The following AFF3 variants were observed in gnomAD, a reference collection of about 807,000 sequenced individuals.
The protein encoded by AFF3 is AF4/FMR2 family member 3.
AFF3 carries 32 observed loss-of-function variants against 129.7 expected under a neutral mutation model. The ratio of observed to expected loss-of-function variants is 0.25; its 90% confidence interval spans 0.19 to 0.33. The LOEUF (loss-of-function observed/expected upper bound fraction) is 0.33, where lower values mean the gene tolerates loss of function less well. Ranked by LOEUF, AFF3 falls within the 10% of genes least tolerant of loss-of-function variation. The pLI, the probability that AFF3 is intolerant of heterozygous loss-of-function variation, is 1.00. For missense variants in AFF3, 1,373 were observed against 1,592.0 expected (o/e 0.86, Z 2.34); for synonymous variants, 644 against 635.4 (o/e 1.01, Z -0.20).
intron 12 of AFF3, among the ~76,000 whole-genome samples, chr2:99,672,033 C>T (rs980410475): frequency 6.6e-6 from 1 of 152,094 alleles, no homozygotes; most frequent in Non-Finnish European, 1.5e-5. Flanking sequence ...TTTTATTCAT[C>T]ATTTTGGCTC....
At chr2:99,776,283 AT>A in intron 8 of AFF3, among the ~76,000 whole-genome samples, 1 of 152,358 alleles carries the variant, frequency 6.6e-6, no homozygotes, top group Middle Eastern at 3.4e-3. Context: ...GGTTTAAAAA[AT>A]CACAGAAGAG....
In AFF3 at chr2:100,104,792, T is replaced by TGCC. The variant is rs1442447145; in HGVS notation, c.-64-275_-64-274insGGC. 2.4e-5 allele frequency: 18 copies of TGCC among 740,560 alleles called. No individual in the cohort carries two copies. The African/African-American group carries it at 4.7e-4, about 20-fold the overall frequency. The allele number at this position is 740,560 out of a possible 1,614,324, so 45.9% of individuals were successfully genotyped here. ...CCTCCCTCGCGGCGGCCCGGCCCGC[T>TGCC]GCTGCAGCCGCCGCCGCCGCCGCCG... On this transcript the variant is annotated intron_variant, in intron 3 of 24. Transcript: ENST00000672756.
chr2:99,968,924 AG>A (rs1678061000), intron 7 of AFF3, among the ~76,000 whole-genome samples: 1 of 152,216 alleles, frequency 6.6e-6, no homozygotes, highest in Non-Finnish European at 1.5e-5. Flanking sequence ...GCCACTGCAA[AG>A]AAAGAGAACC....
chr2:99,847,419 C>A (rs1689817137), intron 7 of AFF3, among the ~76,000 whole-genome samples: 1 of 151,950 alleles, frequency 6.6e-6, no homozygotes, highest in Admixed American at 6.6e-5. Flanking sequence ...TTAGTTCGTG[C>A]CTGTAATCCC....
intron 8 of AFF3, among the ~76,000 whole-genome samples, chr2:99,756,892 C>T (rs1406998239): frequency 2.0e-5 from 3 of 152,188 alleles, no homozygotes; most frequent in African/African-American, 7.2e-5. Context: ...TACCTGTGAA[C>T]TCATGACCCA....
At chr2:99,875,927 C>A (rs1357946162) in intron 7 of AFF3, among the ~76,000 whole-genome samples, 1 of 152,150 alleles carries the variant, frequency 6.6e-6, no homozygotes, top group Non-Finnish European at 1.5e-5. Context: ...ATCCAACAGG[C>A]TTTTCCATCT....
intron 19 of AFF3, among the ~76,000 whole-genome samples, chr2:99,568,080 A>G (rs1211550644): frequency 6.6e-6 from 1 of 152,162 alleles, no homozygotes; most frequent in African/African-American, 2.4e-5. Context: ...GTAGCATTGG[A>G]AGAGGGGTAC....
At chr2:100,113,346 T>C (rs1691593156) in intron 2 of AFF3, among the ~76,000 whole-genome samples, 1 of 152,232 alleles carries the variant, frequency 6.6e-6, no homozygotes, top group South Asian at 2.1e-4. Context: ...ATCCTTGAAT[T>C]GAACAAATAC....
intron 9 of AFF3, among the ~76,000 whole-genome samples, chr2:99,745,710 T>C: frequency 6.6e-6 from 1 of 152,230 alleles, no homozygotes; most frequent in East Asian, 1.9e-4. Flanking sequence ...GTATGGTATC[T>C]ACTTATCTGC....
intron 4 of AFF3, among the ~76,000 whole-genome samples, chr2:100,086,735 T>C (rs916613353): frequency 6.6e-6 from 1 of 152,210 alleles, no homozygotes; most frequent in Non-Finnish European, 1.5e-5. Context: ...AGTTGTCCAA[T>C]GCCTGGCTAC....
At chr2:99,672,480 C>T in intron 12 of AFF3, 58 bp downstream of exon 12, 1 of 1,554,642 alleles carries the variant, frequency 6.4e-7, no homozygotes. Context: ...GCACAGTCCA[C>T]CAGGTAACTG....
At chr2:99,887,088 G>T (rs894347394) in intron 7 of AFF3, among the ~76,000 whole-genome samples, 2 of 152,190 alleles carry the variant, frequency 1.3e-5, no homozygotes, top group East Asian at 3.9e-4. Context: ...AAATGGTTCT[G>T]CCCTCTGTTG....
chr2:99,983,165 G>A (rs934157889), intron 7 of AFF3, among the ~76,000 whole-genome samples: 1 of 152,230 alleles, frequency 6.6e-6, no homozygotes, highest in Non-Finnish European at 1.5e-5. Flanking sequence ...AGAAGAGCCT[G>A]GTACAAGTAT....
At chr2:100,085,803 A>T (rs1689374698) in intron 4 of AFF3, among the ~76,000 whole-genome samples, 1 of 151,708 alleles carries the variant, frequency 6.6e-6, no homozygotes, top group Non-Finnish European at 1.5e-5. Flanking sequence ...CTCCACACAG[A>T]CTCCATGCTT....
At chr2:99,640,337 T>C (rs1390986782) in intron 13 of AFF3, among the ~76,000 whole-genome samples, 1 of 152,162 alleles carries the variant, frequency 6.6e-6, no homozygotes, top group African/African-American at 2.4e-5. Flanking sequence ...TGATACCTCA[T>C]GCGTGATTTT....
At chr2:99,628,715 C>T (rs1168549073) in intron 13 of AFF3, among the ~76,000 whole-genome samples, 1 of 61,442 alleles carries the variant, frequency 1.6e-5, no homozygotes, top group Non-Finnish European at 2.9e-5. Context: ...TGCCACCATG[C>T]TTGACTGATT....
intron 4 of AFF3, among the ~76,000 whole-genome samples, chr2:100,037,050 C>T (rs910292390): frequency 6.6e-6 from 1 of 152,024 alleles, no homozygotes; most frequent in Non-Finnish European, 1.5e-5. Context: ...TGAAAGCTCA[C>T]GTCCTCTAAT....
intron 7 of AFF3, among the ~76,000 whole-genome samples, chr2:99,934,093 C>T (rs1213990148): frequency 6.6e-6 from 1 of 152,186 alleles, no homozygotes; most frequent in East Asian, 1.9e-4. Flanking sequence ...AAGGAACCTG[C>T]AGTACAACAC....
In AFF3 at chr2:100,080,884, C is replaced by T. The variant is rs1688992785; in HGVS notation, c.53+23518G>A. Among the ~76,000 whole-genome samples the T allele has an allele frequency of 2.0e-5, 3 of 152,156 alleles. No homozygotes were observed. The South Asian group carries it at 6.2e-4, about 32-fold the overall frequency. On this transcript the variant is annotated intron_variant, in intron 4 of 24. Transcript: ENST00000672756. ...AGACTAAGTTGTACCCAGTAGCTGG[C>T]AATCAGGATCAAGGAAGAGGCTACA... is the stretch of plus-strand genomic sequence containing the variant.
Sources: allele counts gnomAD v4.1 joint callset (sites outside exome capture counted in the v4.1 genomes callset), GRCh38; gene constraint gnomAD v4.1.1; transcripts MANE v1.5; gene names NCBI Gene and HGNC (gene_info 2026-07-23, HGNC 2026-07-21).